PRDM1: variants seen among roughly 807,000 people sequenced by gnomAD.
PRDM1 encodes the protein PR/SET domain 1, also known as PR domain zinc finger protein 1.
Under a neutral mutation model 62.8 loss-of-function variants are expected in PRDM1, and 13 were observed. The observed-to-expected ratio is 0.21, with a 90% CI of 0.13 to 0.33. The LOEUF is 0.33. PRDM1 is among the 10% of genes least tolerant of loss of function. The pLI is 1.00. For synonymous variants in PRDM1, 396 were observed against 417.6 expected (o/e 0.95, Z 0.63); for missense variants, 895 against 1,058.8 (o/e 0.85, Z 2.15).
chr6:106,103,072 T>A (rs1418162476), intron 4 of PRDM1, among the ~76,000 whole-genome samples: 1 of 152,150 alleles, frequency 6.6e-6, no homozygotes, highest in Non-Finnish European at 1.5e-5. Flanking sequence ...TAAGGAGATA[T>A]TTATTTTGTT....
At chr6:106,020,101 A>T (rs1283623897) in intron 1 of PRDM1, among the ~76,000 whole-genome samples, 1 of 150,544 alleles carries the variant, frequency 6.6e-6, no homozygotes, top group African/African-American at 2.4e-5. Flanking sequence ...GGTGGCGTGC[A>T]CCTGTAATCC....
chr6:105,999,997 C>T (rs1333585281), intron 1 of PRDM1, among the ~76,000 whole-genome samples: 1 of 152,042 alleles, frequency 6.6e-6, no homozygotes, highest in Non-Finnish European at 1.5e-5. Context: ...CTACAGGCGC[C>T]TGCCACCACG....
chr6:106,056,016 C>T lies in PRDM1; in HGVS notation c.-67+7302C>T, dbSNP rs183643560. Among the ~76,000 whole-genome samples the T allele has an allele frequency of 2.6e-5, 4 of 152,082 alleles. 1 individual carries two copies. The highest frequency in any genetic ancestry group is 9.6e-5 in the African/African-American group (4 of 41,502). ...CATTCTTAAGAACAATTTTTTTTAA[C>T]TCAAGGAAAAACACATTGTTTCAGA... On this transcript the variant is annotated intron_variant, in intron 1 of 6. Coordinates refer to the PRDM1 transcript ENST00000651185.
intron 2 of PRDM1, among the ~76,000 whole-genome samples, chr6:106,094,442 A>T (rs548382424): frequency 6.6e-4 from 100 of 152,222 alleles, no homozygotes; most frequent in African/African-American, 1.3e-3. Flanking sequence ...ACGGTTGGTG[A>T]TTTTTTTACC....
At chr6:106,091,927 C>CATAT (rs766197672) in intron 2 of PRDM1, among the ~76,000 whole-genome samples, 7 of 152,112 alleles carry the variant, frequency 4.6e-5, no homozygotes, top group African/African-American at 9.7e-5. Flanking sequence ...GACAAATATT[C>CATAT]ATATGGTCAA....
upstream of PRDM1, chr6:106,046,325 A>C (rs1193241323): frequency 6.6e-6 from 1 of 152,084 alleles, no homozygotes; most frequent in African/African-American, 2.4e-5. Context: ...GTTGGTCTCC[A>C]AGGTGATCAA....
chr6:106,075,053 G>A (rs773072351), intron 1 of PRDM1, among the ~76,000 whole-genome samples: 3 of 152,102 alleles, frequency 2.0e-5, no homozygotes, highest in Non-Finnish European at 4.4e-5. Flanking sequence ...AAAACTATTG[G>A]TCCCAATTGC....
upstream of PRDM1, among the ~76,000 whole-genome samples, chr6:106,044,858 T>C (rs1446733581): frequency 2.0e-5 from 3 of 152,214 alleles, no homozygotes; most frequent in Admixed American, 1.3e-4. Context: ...AACGTCATTT[T>C]CATTGAGTTA....
At chr6:106,063,512 G>T (rs140713848) in intron 1 of PRDM1, among the ~76,000 whole-genome samples, 26 of 152,204 alleles carry the variant, frequency 1.7e-4, no homozygotes, top group African/African-American at 6.3e-4. Flanking sequence ...TTTCTCTGGG[G>T]CATCTCTTCA....
chr6:106,040,569 G>C (rs1468402795), intron 1 of PRDM1, among the ~76,000 whole-genome samples: 1 of 152,204 alleles, frequency 6.6e-6, no homozygotes, highest in Non-Finnish European at 1.5e-5. Flanking sequence ...CTGTAAAGCA[G>C]ACTTCACAGT....
In PRDM1 at chr6:106,107,211, A is replaced by T; in HGVS notation, c.2203A>T (p.Ile735Phe). ...CAATGAAGAAATCGAGAAGTTTGAC[A>T]TCAGTGACAATGCTGACCGGCTCGA... ...RINEEIEKFD[I>F]SDNADRLEDV... Residue 735 changes from isoleucine to phenylalanine, a missense_variant, in exon 7 of 7, where the codon ATC (isoleucine) becomes TTC (phenylalanine). Around this residue, in one of 4 missense-constraint regions of PRDM1, gnomAD observed 164 missense variants for 179.9 expected, o/e 0.91. Coordinates refer to ENST00000369096, the MANE Select transcript of PRDM1 (RefSeq NM_001198.4). 6.2e-7 allele frequency: 1 copy of T among 1,614,224 alleles called. No individual in the cohort carries two copies. Among genetic ancestry groups the T allele is most frequent in the Non-Finnish European group, 8.5e-7 (1 of 1,180,052 alleles).
intron 1 of PRDM1, among the ~76,000 whole-genome samples, chr6:106,074,688 G>A (rs970757716): frequency 3.9e-5 from 6 of 152,180 alleles, no homozygotes; most frequent in Middle Eastern, 3.4e-3. Context: ...TATAAATATC[G>A]GAGAGGCCTG....
chr6:106,095,458 C>T (rs1006442388), intron 2 of PRDM1, among the ~76,000 whole-genome samples, 157 bp from the exon 3 acceptor site: 6 of 152,178 alleles, frequency 3.9e-5, no homozygotes, highest in Non-Finnish European at 7.4e-5. Flanking sequence ...TATGGTGAAG[C>T]TTGTTAATTA....
intron 2 of PRDM1, among the ~76,000 whole-genome samples, chr6:106,095,312 A>G (rs1387009959): frequency 2.0e-5 from 3 of 152,246 alleles, no homozygotes; most frequent in African/African-American, 7.2e-5. Flanking sequence ...GAGAATGGTT[A>G]TATTCGCTGT....
chr6:106,098,446 T>A (rs1774173145), intron 3 of PRDM1: 1 of 985,336 alleles, frequency 1.0e-6, no homozygotes. Context: ...TTCTTCATTC[T>A]GCGTTGCCTT....
chr6:106,046,178 C>A (rs897473609), upstream of PRDM1: 10 of 152,100 alleles, frequency 6.6e-5, no homozygotes, highest in African/African-American at 2.2e-4. Flanking sequence ...TTCAGAAAAG[C>A]CCTAATTAAT....
intron 3 of PRDM1, among the ~76,000 whole-genome samples, chr6:106,096,977 A>G (rs776701827): frequency 4.6e-5 from 7 of 152,228 alleles, no homozygotes; most frequent in Non-Finnish European, 7.3e-5. Context: ...GAACGATTAT[A>G]TCGTTCGGAC....
Position 106,052,167 on chromosome 6 carries a change from G to A in PRDM1, c.-67+3453G>A, listed in dbSNP as rs1344038619. Among the ~76,000 whole-genome samples the A allele has an allele frequency of 9.2e-5, 14 of 151,768 alleles. No homozygotes were observed. The East Asian group carries it at 2.5e-3, about 27-fold the overall frequency. ...TGTACACTTAAAAGTGGTTAAAATG[G>A]TAAGTTTTATGCCATGTATATTTTA... On this transcript the variant is annotated intron_variant, in intron 1 of 6. Transcript: ENST00000651185.
intron 1 of PRDM1, among the ~76,000 whole-genome samples, chr6:106,055,291 G>T (rs2114587611): frequency 6.6e-6 from 1 of 152,160 alleles, no homozygotes; most frequent in East Asian, 1.9e-4. Flanking sequence ...TTTTTTTCTT[G>T]GATTTAGTTA....
Sources: gnomAD v4.1 joint callset for allele counts (sites outside exome capture counted in the v4.1 genomes callset) on GRCh38, gnomAD v4.1.1 for gene constraint, gnomAD v4.1.1 regional missense constraint, MANE v1.5 for transcripts, NCBI Gene and HGNC (gene_info 2026-07-23, HGNC 2026-07-21) for gene names.